Variants in EML5 observed in about 807,000 individuals in gnomAD.
EML5 encodes the protein echinoderm microtubule-associated protein-like 5.
A neutral mutation model predicts 250.0 loss-of-function variants in EML5; 120 were observed. That is an observed-to-expected ratio of 0.48 (90% CI 0.41 to 0.56). The LOEUF (loss-of-function observed/expected upper bound fraction) is 0.56. Among genes scored for constraint, EML5 ranks in the 20% least tolerant of loss-of-function variants. The pLI is 0.00. For synonymous variants in EML5, 771 were observed against 806.5 expected, an observed-to-expected ratio of 0.96 and a Z score of 0.75; for missense variants, 2,006 against 2,437.6, an observed-to-expected ratio of 0.82 and a Z score of 3.73.
At chr14:88,732,539 G>T (rs1221060830) in intron 7 of EML5, among the ~76,000 whole-genome samples, 1 of 152,122 alleles carries the variant, frequency 6.6e-6, no homozygotes, top group African/African-American at 2.4e-5. Flanking sequence ...GGATTGTCTT[G>T]GCAATGTGGG....
At chr14:88,702,656 A>G in intron 13 of EML5, 24 bp from the exon 14 acceptor site, 2 of 1,488,942 alleles carry the variant, frequency 1.3e-6, no homozygotes, top group Non-Finnish European at 1.8e-6. Flanking sequence ...CAAATCATAT[A>G]TAATTAATTT....
chr14:88,764,527 C>A (rs1236492181), intron 1 of EML5, among the ~76,000 whole-genome samples: 1 of 152,122 alleles, frequency 6.6e-6, no homozygotes, highest in Non-Finnish European at 1.5e-5. Flanking sequence ...GTTTATCAAT[C>A]TGATCCTTTT....
intron 33 of EML5, among the ~76,000 whole-genome samples, chr14:88,632,954 A>T (rs2090521934): frequency 6.6e-6 from 1 of 152,182 alleles, no homozygotes; most frequent in Non-Finnish European, 1.5e-5. Context: ...TGTTGGAGAG[A>T]CATAGAAACC....
At chr14:88,718,992 ATT>A (rs1260199177) in intron 8 of EML5, among the ~76,000 whole-genome samples, 1 of 152,188 alleles carries the variant, frequency 6.6e-6, no homozygotes, top group Non-Finnish European at 1.5e-5. Context: ...TGAATGTGTG[ATT>A]TCTTCAGCAA....
chr14:88,655,642 A>T (rs755369400), intron 27 of EML5, among the ~76,000 whole-genome samples: 1 of 152,204 alleles, frequency 6.6e-6, no homozygotes, highest in Admixed American at 6.5e-5. Flanking sequence ...TAATTAAACT[A>T]AAGAGCTTCT....
chr14:88,697,965 G>A (rs889505947), intron 14 of EML5, among the ~76,000 whole-genome samples: 2 of 152,030 alleles, frequency 1.3e-5, no homozygotes, highest in African/African-American at 2.4e-5. Context: ...TCAAACTCCC[G>A]ACCTCAGGTG....
At chr14:88,763,949 A>G (rs2094285935) in intron 1 of EML5, among the ~76,000 whole-genome samples, 1 of 152,214 alleles carries the variant, frequency 6.6e-6, no homozygotes, top group East Asian at 1.9e-4. Context: ...AAAAATATGA[A>G]TAAGTATTAA....
intron 8 of EML5, among the ~76,000 whole-genome samples, chr14:88,717,756 AAACAAC>A (rs147401940): frequency 0.39 from 59,105 of 150,806 alleles, 13,669 homozygotes; most frequent in African/African-American, 0.63. Context: ...CTCCGTCTCA[AAACAAC>A]AACAACAACA....
chr14:88,772,729 G>C (rs1013828474), intron 1 of EML5, among the ~76,000 whole-genome samples: 2 of 151,980 alleles, frequency 1.3e-5, no homozygotes, highest in African/African-American at 4.8e-5. Context: ...CTCCAGCCTG[G>C]GCGACAGGGC....
chr14:88,629,355 A>G (rs2090284306), intron 33 of EML5, among the ~76,000 whole-genome samples: 2 of 152,310 alleles, frequency 1.3e-5, no homozygotes, highest in South Asian at 2.1e-4. Context: ...TTTATAAAAA[A>G]TTAAAGGAGA....
chr14:88,649,265 G>C (rs1455626283), intron 28 of EML5, among the ~76,000 whole-genome samples: 1 of 152,058 alleles, frequency 6.6e-6, no homozygotes, highest in African/African-American at 2.4e-5. Context: ...TGAACTCCCA[G>C]GCTCTAGCAA....
intron 6 of EML5, among the ~76,000 whole-genome samples, chr14:88,737,737 C>T (rs956278576): frequency 6.6e-6 from 1 of 152,154 alleles, no homozygotes; most frequent in Non-Finnish European, 1.5e-5. Flanking sequence ...TACCTAGTTC[C>T]TACCCATCCT....
At chr14:88,765,598 A>G (rs1595826403) in intron 1 of EML5, among the ~76,000 whole-genome samples, 1 of 152,198 alleles carries the variant, frequency 6.6e-6, no homozygotes, top group Non-Finnish European at 1.5e-5. Context: ...GATACTCTCA[A>G]TATCTTAAGG....
At chr14:88,676,343 C>A (rs2092592499) in intron 21 of EML5, among the ~76,000 whole-genome samples, 1 of 152,202 alleles carries the variant, frequency 6.6e-6, no homozygotes, top group South Asian at 2.1e-4. Context: ...GAGAAGCAGG[C>A]ACCTTCTTCA....
chr14:88,736,920 C>A (rs2093849517), intron 6 of EML5, among the ~76,000 whole-genome samples: 1 of 152,014 alleles, frequency 6.6e-6, no homozygotes, highest in Non-Finnish European at 1.5e-5. Flanking sequence ...CCATTCTGAG[C>A]CCATAAAGGC....
In EML5 at chr14:88,670,965, A is replaced by G. The variant is rs117329900; in HGVS notation, c.3125-5476T>C. On this transcript the variant is annotated intron_variant, in intron 21 of 43. Coordinates refer to ENST00000554922, the MANE Select transcript of EML5 (RefSeq NM_183387.3). ...TGACTGACTGGGGTACCTGAACAGA[A>G]CAAAGTTGTAAAACGTACTTCAGGA... Among the ~76,000 whole-genome samples, 134 of 152,336 alleles carry G rather than the reference A, an allele frequency of 8.8e-4. 1 individual carries two copies. The highest frequency in any genetic ancestry group is 1.6e-3 in the Non-Finnish European group (106 of 68,024).
At chr14:88,730,389 G>A (rs1439718888) in intron 7 of EML5, among the ~76,000 whole-genome samples, 1 of 152,202 alleles carries the variant, frequency 6.6e-6, no homozygotes, top group Non-Finnish European at 1.5e-5. Context: ...TTTCTGAGTG[G>A]TTGATTTGTT....
intron 2 of EML5, among the ~76,000 whole-genome samples, chr14:88,750,097 GC>G (rs1269389425): frequency 6.6e-6 from 1 of 152,056 alleles, no homozygotes; most frequent in Non-Finnish European, 1.5e-5. Context: ...AGACCAAATG[GC>G]CCACAAAGTT....
At chr14:88,686,976 T>A (rs2092847093) in intron 19 of EML5, among the ~76,000 whole-genome samples, 1 of 152,214 alleles carries the variant, frequency 6.6e-6, no homozygotes, top group Non-Finnish European at 1.5e-5. Flanking sequence ...AAAATTAATG[T>A]TAAAATTAGG....
Sources: gnomAD v4.1 joint callset for allele counts (sites outside exome capture counted in the v4.1 genomes callset) on GRCh38, gnomAD v4.1.1 for gene constraint, MANE v1.5 for transcripts, NCBI Gene and HGNC (gene_info 2026-07-23, HGNC 2026-07-21) for gene names.